Variants in FGGY observed in about 807,000 individuals in gnomAD.
The protein encoded by FGGY is FGGY carbohydrate kinase domain-containing protein.
Under a neutral mutation model 71.3 loss-of-function variants are expected in FGGY, and 72 were observed. That is an observed-to-expected ratio of 1.01 (90% CI 0.84 to 1.23). The LOEUF (loss-of-function observed/expected upper bound fraction) is 1.23. Among genes scored for constraint, FGGY ranks in the 50% most tolerant of loss-of-function variants. The pLI, the probability that FGGY is intolerant of heterozygous loss-of-function variation, is 0.00. For missense variants in FGGY, 668 were observed against 682.3 expected, an observed-to-expected ratio of 0.98 and a Z score of 0.23; for synonymous variants, 251 against 250.3, an observed-to-expected ratio of 1.00 and a Z score of -0.02.
intron 1 of FGGY, among the ~76,000 whole-genome samples, chr1:59,319,393 A>G (rs1248639849): frequency 1.3e-5 from 2 of 152,326 alleles, no homozygotes; most frequent in South Asian, 2.1e-4. Context: ...AGAAATCAAT[A>G]AGTTCATTTT....
At chr1:59,381,382 G>A (rs536646690) in intron 5 of FGGY, among the ~76,000 whole-genome samples, 1 of 152,204 alleles carries the variant, frequency 6.6e-6, no homozygotes, top group Admixed American at 6.5e-5. Flanking sequence ...ATTACCTTGG[G>A]CGGTATGGCC....
intron 4 of FGGY, among the ~76,000 whole-genome samples, chr1:59,368,216 G>A (rs1406014451): frequency 1.3e-5 from 2 of 152,204 alleles, no homozygotes; most frequent in Non-Finnish European, 2.9e-5. Context: ...CATTGTGCAT[G>A]GGAGATGATA....
chr1:59,575,217 C>T (rs1316993576), intron 8 of FGGY, among the ~76,000 whole-genome samples: 1 of 152,114 alleles, frequency 6.6e-6, no homozygotes, highest in Non-Finnish European at 1.5e-5. Context: ...ACTTATTCCT[C>T]CTGTCTAACC....
intron 10 of FGGY, among the ~76,000 whole-genome samples, chr1:59,634,209 A>G (rs759533892): frequency 1.3e-5 from 2 of 152,170 alleles, no homozygotes; most frequent in Non-Finnish European, 2.9e-5. Flanking sequence ...GATCAAGACC[A>G]TCCTGGCCAA....
intron 11 of FGGY, among the ~76,000 whole-genome samples, chr1:59,647,741 C>CTTTTTTTTT (rs578262218): frequency 9.0e-6 from 1 of 111,638 alleles, no homozygotes; most frequent in Non-Finnish European, 1.9e-5. Flanking sequence ...CTGCCACCAT[C>CTTTTTTTTT]TTTTTTTTTT....
At chr1:59,710,071 G>C (rs2097783488) in intron 14 of FGGY, among the ~76,000 whole-genome samples, 1 of 152,226 alleles carries the variant, frequency 6.6e-6, no homozygotes, top group Non-Finnish European at 1.5e-5. Flanking sequence ...CCAACTCACA[G>C]ATGTGTGGTC....
chr1:59,557,499 G>A (rs575115019), intron 8 of FGGY, among the ~76,000 whole-genome samples: 1 of 152,220 alleles, frequency 6.6e-6, no homozygotes. Context: ...CAGGAATCTG[G>A]AGAAAAAGCC....
At chr1:59,439,110 CTTA>C (rs1412272076) in intron 5 of FGGY, among the ~76,000 whole-genome samples, 2 of 152,060 alleles carry the variant, frequency 1.3e-5, no homozygotes, top group Non-Finnish European at 2.9e-5. Flanking sequence ...TTTAATGTTA[CTTA>C]TTATATTTCA....
chr1:59,534,742 G>A (rs1004022359), intron 7 of FGGY, among the ~76,000 whole-genome samples: 6 of 150,946 alleles, frequency 4.0e-5, no homozygotes, highest in African/African-American at 1.5e-4. Flanking sequence ...AGCTTCATAA[G>A]TGAAGGAGAA....
intron 8 of FGGY, among the ~76,000 whole-genome samples, chr1:59,579,805 T>G (rs2096154894): frequency 6.6e-6 from 1 of 152,176 alleles, no homozygotes; most frequent in Non-Finnish European, 1.5e-5. Flanking sequence ...ATTATGTCAT[T>G]CCTCTGCTCA....
intron 2 of FGGY, chr1:59,332,108 C>A (rs1221859219): frequency 6.6e-6 from 1 of 152,162 alleles, no homozygotes; most frequent in Non-Finnish European, 1.5e-5. Flanking sequence ...TATGGCAGAT[C>A]TTGCTGATTT....
chr1:59,695,456 A>C (rs1036236425), intron 14 of FGGY, among the ~76,000 whole-genome samples: 2 of 152,116 alleles, frequency 1.3e-5, no homozygotes, highest in Non-Finnish European at 2.9e-5. Flanking sequence ...CCTCATGACA[A>C]CCTTTCTTGG....
At chr1:59,551,940 A>G (rs1240144947) in intron 7 of FGGY, among the ~76,000 whole-genome samples, 1 of 152,216 alleles carries the variant, frequency 6.6e-6, no homozygotes, top group Non-Finnish European at 1.5e-5. Context: ...TCAGCAAAAC[A>G]CAAACCACTC....
At chr1:59,682,862 G>A (rs2097514675) in intron 14 of FGGY, among the ~76,000 whole-genome samples, 1 of 152,182 alleles carries the variant, frequency 6.6e-6, no homozygotes. Context: ...TATGAAACAA[G>A]GAACTTGCAT....
chr1:59,313,086 A>G (rs977055892), intron 1 of FGGY, among the ~76,000 whole-genome samples: 6 of 152,198 alleles, frequency 3.9e-5, no homozygotes, highest in African/African-American at 1.4e-4. Context: ...TGGAACAGTA[A>G]TGAGAGCAGT....
chr1:59,630,970 A>T (rs2096903127), intron 10 of FGGY, among the ~76,000 whole-genome samples: 1 of 152,132 alleles, frequency 6.6e-6, no homozygotes, highest in Non-Finnish European at 1.5e-5. Context: ...TGCCCACTGC[A>T]GTTTGAATTC....
intron 1 of FGGY, among the ~76,000 whole-genome samples, chr1:59,311,194 T>C: frequency 6.6e-6 from 1 of 152,150 alleles, no homozygotes. Context: ...CCAAGTCATT[T>C]CAGGGATGGT....
chr1:59,458,102 A>G (rs1035943149), intron 6 of FGGY, among the ~76,000 whole-genome samples: 1 of 152,234 alleles, frequency 6.6e-6, no homozygotes, highest in African/African-American at 2.4e-5. Flanking sequence ...GAAGGAACTA[A>G]TATTTTACTG....
intron 7 of FGGY, among the ~76,000 whole-genome samples, chr1:59,539,360 C>G (rs2095403657): frequency 6.6e-6 from 1 of 152,076 alleles, no homozygotes; most frequent in African/African-American, 2.4e-5. Flanking sequence ...TGCCAGATAG[C>G]AGAACATATT....
Sources: gnomAD v4.1 joint callset for allele counts (sites outside exome capture counted in the v4.1 genomes callset) on GRCh38, gnomAD v4.1.1 for gene constraint, MANE v1.5 for transcripts, NCBI Gene and HGNC (gene_info 2026-07-23, HGNC 2026-07-21) for gene names.